Variants in LMBRD1 observed in about 807,000 individuals in gnomAD.
The protein encoded by LMBRD1 is LMBR1 domain containing 1.
LMBRD1 carries 64 observed loss-of-function variants against 74.8 expected under a neutral mutation model. That is an observed-to-expected ratio of 0.86 (90% CI 0.70 to 1.05). LMBRD1 has a LOEUF of 1.05. LMBRD1 is among the 50% of genes least tolerant of loss of function. The pLI is 0.00. For missense variants in LMBRD1, 652 were observed against 645.9 expected (o/e 1.01, Z -0.10); for synonymous variants, 204 against 216.3 (o/e 0.94, Z 0.50).
At chr6:69,776,570 G>A (rs1026172421) in intron 3 of LMBRD1, among the ~76,000 whole-genome samples, 2 of 152,196 alleles carry the variant, frequency 1.3e-5, no homozygotes, top group East Asian at 1.9e-4. Flanking sequence ...TTAACAGAAA[G>A]CTCTTCTTTT....
chr6:69,710,621 G>A (rs1245440839), intron 9 of LMBRD1, among the ~76,000 whole-genome samples: 4 of 151,898 alleles, frequency 2.6e-5, no homozygotes, highest in African/African-American at 4.8e-5. Flanking sequence ...TATAATGAAC[G>A]CTTGTATCTC....
intron 5 of LMBRD1, among the ~76,000 whole-genome samples, chr6:69,747,170 G>A (rs1423462376): frequency 6.6e-6 from 1 of 152,128 alleles, no homozygotes; most frequent in African/African-American, 2.4e-5. Flanking sequence ...AGTCACAAGG[G>A]TGGGGCCCTA....
intron 2 of LMBRD1, among the ~76,000 whole-genome samples, chr6:69,787,830 G>A (rs1320049521): frequency 6.6e-6 from 1 of 152,180 alleles, no homozygotes. Flanking sequence ...CTAAATATTA[G>A]TGTAACATTT....
chr6:69,702,808 A>G (rs554274152), intron 9 of LMBRD1, among the ~76,000 whole-genome samples: 3 of 152,120 alleles, frequency 2.0e-5, no homozygotes, highest in Admixed American at 6.6e-5. Flanking sequence ...TTTAACTGGA[A>G]TTGATATAAA....
intron 3 of LMBRD1, among the ~76,000 whole-genome samples, chr6:69,759,840 A>T (rs1408628581): frequency 6.6e-6 from 1 of 152,164 alleles, no homozygotes; most frequent in Non-Finnish European, 1.5e-5. Flanking sequence ...TTAAATCAAT[A>T]AGAACACAAC....
intron 7 of LMBRD1, among the ~76,000 whole-genome samples, chr6:69,721,379 C>A (rs185566300): frequency 1.2e-4 from 19 of 152,240 alleles, no homozygotes; most frequent in Non-Finnish European, 2.2e-4. Flanking sequence ...CTTTGTTTTG[C>A]GTCTTGGATA....
At chr6:69,762,497 A>C (rs1765393224) in intron 3 of LMBRD1, among the ~76,000 whole-genome samples, 1 of 152,106 alleles carries the variant, frequency 6.6e-6, no homozygotes, top group South Asian at 2.1e-4. Context: ...TTTCCAAAAC[A>C]ACTACACCAT....
intron 5 of LMBRD1, among the ~76,000 whole-genome samples, chr6:69,749,070 A>C (rs1435190805): frequency 1.3e-5 from 2 of 152,028 alleles, no homozygotes; most frequent in African/African-American, 4.8e-5. Flanking sequence ...ATTATATAAA[A>C]CATAATCACA....
At chr6:69,771,504 T>C (rs1765576127) in intron 3 of LMBRD1, among the ~76,000 whole-genome samples, 1 of 151,966 alleles carries the variant, frequency 6.6e-6, no homozygotes, top group Non-Finnish European at 1.5e-5. Flanking sequence ...CAGACGCAAA[T>C]CTCTAGGTCC....
intron 2 of LMBRD1, among the ~76,000 whole-genome samples, chr6:69,786,856 A>C (rs1765961737): frequency 6.6e-6 from 1 of 152,232 alleles, no homozygotes; most frequent in African/African-American, 2.4e-5. Context: ...AGCAATCATT[A>C]ATATGTAGAG....
intron 14 of LMBRD1, among the ~76,000 whole-genome samples, chr6:69,678,460 T>C (rs9364047): frequency 0.37 from 55,507 of 151,886 alleles, 10,666 homozygotes; most frequent in East Asian, 0.54. Context: ...AGTGAACCCA[T>C]GCAGTTCAAA....
intron 3 of LMBRD1, among the ~76,000 whole-genome samples, chr6:69,771,553 A>T (rs1368669867): frequency 1.3e-5 from 2 of 152,164 alleles, no homozygotes; most frequent in African/African-American, 4.8e-5. Context: ...TAAGGGCATG[A>T]ATATTAGGAG....
At chr6:69,788,715 C>A (rs1348464428) in intron 2 of LMBRD1, among the ~76,000 whole-genome samples, 2 of 152,062 alleles carry the variant, frequency 1.3e-5, no homozygotes, top group East Asian at 3.8e-4. Context: ...TGTTTCAACC[C>A]AAAATATAAA....
chr6:69,678,839 T>C (rs976274991), intron 14 of LMBRD1, among the ~76,000 whole-genome samples: 11 of 152,062 alleles, frequency 7.2e-5, no homozygotes, highest in African/African-American at 2.7e-4. Flanking sequence ...ACTTTTTTTG[T>C]TCCTGTCACA....
At chr6:69,712,837 A>T (rs914846406) in intron 9 of LMBRD1, among the ~76,000 whole-genome samples, 1 of 152,140 alleles carries the variant, frequency 6.6e-6, no homozygotes, top group Admixed American at 6.6e-5. Flanking sequence ...GTACATATAA[A>T]ATCTTAGAAA....
Position 69,674,485 on chromosome 6 carries a change from A to T in LMBRD1, c.*1673T>A, listed in dbSNP as rs1765506941. 6.6e-6 allele frequency among the ~76,000 whole-genome samples: 1 copy of T among 152,206 alleles called. No homozygotes were observed. The highest frequency in any genetic ancestry group is 6.5e-5 in the Admixed American group (1 of 15,272). ...ACCTGATTCTTTGTTTAGGCAATCA[A>T]GTGTCTGCGGTGCCATTTGTCAAAA... On this transcript the variant is annotated 3_prime_UTR_variant, in exon 16 of 16. Coordinates refer to ENST00000649934, the MANE Select transcript of LMBRD1 (RefSeq NM_018368.4).
chr6:69,749,482 A>G (rs1254791285), intron 4 of LMBRD1, 74 bp from the exon 5 acceptor site: 1 of 1,129,854 alleles, frequency 8.9e-7, no homozygotes, highest in Non-Finnish European at 1.3e-6. Context: ...CAACACTTTA[A>G]CAGTACCTTC....
rs766864176 is a variant in LMBRD1, at chr6:69,674,701, G to T, written c.*1457C>A. Among the ~76,000 whole-genome samples the T allele has an allele frequency of 6.6e-6, 1 of 152,182 alleles. No homozygotes were observed. Among genetic ancestry groups the T allele is most frequent in the Admixed American group, 6.5e-5 (1 of 15,280 alleles). On this transcript the variant is annotated 3_prime_UTR_variant, in exon 16 of 16. Coordinates refer to ENST00000649934, the MANE Select transcript of LMBRD1 (RefSeq NM_018368.4). Reference sequence around the variant, plus strand: ...AAGAAAATGTAATATAAGGCCGAGCGTGGTGGCTTATGCCTGTAATCCCAG... The same window carrying T: ...AAGAAAATGTAATATAAGGCCGAGCTTGGTGGCTTATGCCTGTAATCCCAG...
intron 7 of LMBRD1, among the ~76,000 whole-genome samples, chr6:69,721,711 G>C (rs1766618688): frequency 6.6e-6 from 1 of 152,182 alleles, no homozygotes; most frequent in Non-Finnish European, 1.5e-5. Context: ...TTGCACCTCA[G>C]GTACCAGCTC....
Sources: gnomAD v4.1 joint callset for allele counts (sites outside exome capture counted in the v4.1 genomes callset) on GRCh38, gnomAD v4.1.1 for gene constraint, MANE v1.5 for transcripts, NCBI Gene and HGNC (gene_info 2026-07-23, HGNC 2026-07-21) for gene names.